The following GRIA3 variants were observed in gnomAD, a reference collection of about 807,000 sequenced individuals.
GRIA3 encodes glutamate receptor 3.
GRIA3 carries 3 observed loss-of-function variants against 63.0 expected under a neutral mutation model. The ratio of observed to expected loss-of-function variants is 0.05; its 90% CI spans 0.02 to 0.12. GRIA3 has a LOEUF of 0.12. Ranked by LOEUF, GRIA3 falls within the 10% of genes least tolerant of loss-of-function variation. GRIA3 has a pLI of 1.00. For missense variants in GRIA3, 347 were observed against 700.9 expected, an observed-to-expected ratio of 0.50 and a Z score of 5.70; for synonymous variants, 274 against 257.9, an observed-to-expected ratio of 1.06 and a Z score of -0.60.
chrX:123,248,319 C>G (rs1031072014), intron 2 of GRIA3, among the ~76,000 whole-genome samples: 1 of 112,434 alleles, frequency 8.9e-6, no homozygotes, highest in Non-Finnish European at 1.9e-5. Flanking sequence ...TCAGAAAGGT[C>G]AAATAACTTG....
chrX:123,455,057 T>C (rs1312501452), intron 12 of GRIA3, among the ~76,000 whole-genome samples: 3 of 111,924 alleles, frequency 2.7e-5, no homozygotes, highest in Admixed American at 9.5e-5. Context: ...TTAAGCAAAG[T>C]CATTTACATT....
At chrX:123,475,440 T>A (rs2045882762) in intron 13 of GRIA3, among the ~76,000 whole-genome samples, 1 of 112,018 alleles carries the variant, frequency 8.9e-6, no homozygotes, top group South Asian at 3.7e-4. Context: ...CCAGTCCCCA[T>A]GAAATTATGT....
intron 3 of GRIA3, among the ~76,000 whole-genome samples, chrX:123,322,022 C>G (rs902929475): frequency 1.8e-5 from 2 of 111,274 alleles, no homozygotes; most frequent in Non-Finnish European, 3.8e-5. Flanking sequence ...GGGTCATAAC[C>G]TTAAGCTGCA....
Position 123,464,621 on chromosome X carries a change from T to C in GRIA3, c.2077-244T>C, listed in dbSNP as rs746360668. Among the ~76,000 whole-genome samples, 8 of 111,684 alleles carry C rather than the reference T, an allele frequency of 7.2e-5. No individual in the cohort carries two copies. The South Asian group carries it at 3.0e-3, about 42-fold the overall frequency. ...CCATTTAGTGGGTCCTGAGCAACATTATTTAAAATGAATTAGAATAGAATA... is the reference window on the plus strand; with the variant it reads ...CCATTTAGTGGGTCCTGAGCAACATCATTTAAAATGAATTAGAATAGAATA... On this transcript the variant is annotated intron_variant, in intron 12 of 15. Coordinates refer to ENST00000620443, the MANE Select transcript of GRIA3 (RefSeq NM_007325.5).
chrX:123,200,693 G>C (rs775469177), intron 2 of GRIA3, among the ~76,000 whole-genome samples: 2 of 108,227 alleles, frequency 1.8e-5, no homozygotes, highest in African/African-American at 6.7e-5. Context: ...ATTCACTAAG[G>C]CTTACTATTA....
chrX:123,223,971 C>T (rs1158338439), intron 2 of GRIA3, among the ~76,000 whole-genome samples: 2 of 111,365 alleles, frequency 1.8e-5, no homozygotes, highest in Non-Finnish European at 3.8e-5. Context: ...TCACCTTGCC[C>T]ATTTGTTCTT....
chrX:123,479,964 C>A (rs2045904844), intron 13 of GRIA3, 99 bp from the exon 14 acceptor site: 2 of 605,024 alleles, frequency 3.3e-6, no homozygotes, highest in Admixed American at 5.1e-5. Context: ...TGGCCAGGGC[C>A]CCCTGCTTTA....
At chrX:123,309,065 G>T (rs762625009) in intron 3 of GRIA3, among the ~76,000 whole-genome samples, 2 of 111,985 alleles carry the variant, frequency 1.8e-5, no homozygotes, top group Non-Finnish European at 3.8e-5. Context: ...GAGGCATAAG[G>T]CGTATAACTC....
chrX:123,234,461 G>A (rs1374047308), intron 2 of GRIA3, among the ~76,000 whole-genome samples: 1 of 111,934 alleles, frequency 8.9e-6, no homozygotes, highest in African/African-American at 3.2e-5. Context: ...AAGTAGAGTG[G>A]CAAAGTGATA....
At chrX:123,332,254 C>G (rs995991918) in intron 4 of GRIA3, among the ~76,000 whole-genome samples, 2 of 110,860 alleles carry the variant, frequency 1.8e-5, no homozygotes, top group Non-Finnish European at 3.8e-5. Flanking sequence ...CTAGATTTTT[C>G]AGCATCACCT....
intron 15 of GRIA3, among the ~76,000 whole-genome samples, 169 bp downstream of exon 15, chrX:123,483,215 C>T (rs918381098): frequency 6.5e-5 from 7 of 108,124 alleles, no homozygotes; most frequent in Non-Finnish European, 1.3e-4. Flanking sequence ...GGCAGTGGTG[C>T]TTTTCTAATA....
intron 2 of GRIA3, among the ~76,000 whole-genome samples, chrX:123,235,569 T>C (rs981509543): frequency 9.0e-6 from 1 of 111,689 alleles, no homozygotes; most frequent in African/African-American, 3.3e-5. Flanking sequence ...TTCTTTCTGA[T>C]TTCTAATTTT....
At chrX:123,195,500 G>A (rs765419282) in intron 2 of GRIA3, among the ~76,000 whole-genome samples, 16 of 111,929 alleles carry the variant, frequency 1.4e-4, no homozygotes, top group African/African-American at 4.2e-4. Flanking sequence ...TAGGGGCTAC[G>A]CAGACCACAT....
At chrX:123,212,867 A>C (rs773702434) in intron 2 of GRIA3, among the ~76,000 whole-genome samples, 1 of 111,949 alleles carries the variant, frequency 8.9e-6, no homozygotes, top group South Asian at 3.8e-4. Flanking sequence ...CAATTTACAA[A>C]CAAGGTCGCC....
intron 2 of GRIA3, among the ~76,000 whole-genome samples, chrX:123,239,897 G>A (rs1201343311): frequency 1.1e-4 from 12 of 112,148 alleles, no homozygotes; most frequent in East Asian, 8.5e-4. Flanking sequence ...TAACAGACAT[G>A]AGACACACAT....
chrX:123,401,932 A>G (rs2045445542), intron 7 of GRIA3, among the ~76,000 whole-genome samples: 2 of 111,852 alleles, frequency 1.8e-5, no homozygotes. Context: ...TGTAGAGGGT[A>G]TTTCATCCAG....
chrX:123,332,504 A>G (rs1297536839), intron 4 of GRIA3, among the ~76,000 whole-genome samples: 1 of 111,329 alleles, frequency 9.0e-6, no homozygotes, highest in Non-Finnish European at 1.9e-5. Flanking sequence ...CATGCAACCA[A>G]TAATTGGTAG....
chrX:123,337,305 G>T (rs1486774560), intron 4 of GRIA3, among the ~76,000 whole-genome samples: 2 of 111,998 alleles, frequency 1.8e-5, no homozygotes, highest in Non-Finnish European at 3.8e-5. Context: ...TCCGTAGTGG[G>T]ATTAATTGTT....
chrX:123,448,117 A>C (rs1403784932), intron 12 of GRIA3, among the ~76,000 whole-genome samples: 1 of 112,473 alleles, frequency 8.9e-6, no homozygotes, highest in Non-Finnish European at 1.9e-5. Flanking sequence ...TTTTGAAATA[A>C]AGTATGGTTC....
Sources: allele counts gnomAD v4.1 joint callset (sites outside exome capture counted in the v4.1 genomes callset), GRCh38; gene constraint gnomAD v4.1.1; transcripts MANE v1.5; gene names NCBI Gene and HGNC (gene_info 2026-07-23, HGNC 2026-07-21).